Variants in AFG2A observed in about 807,000 individuals in gnomAD.
The protein encoded by AFG2A is ATPase family gene 2 protein homolog A.
the AFG2A span, among the ~76,000 whole-genome samples, chr4:123,033,002 A>C: frequency 1.1e-4 from 16 of 152,334 alleles, no homozygotes; most frequent in African/African-American, 3.8e-4. Context: ...GTTTATCAGG[A>C]CATAACCCCC....
At chr4:123,263,048 A>T in the AFG2A span, among the ~76,000 whole-genome samples, 18 of 152,238 alleles carry the variant, frequency 1.2e-4, 1 homozygote, top group Admixed American at 6.5e-4. Context: ...GGGATGAAGC[A>T]GAAAAAGTAG....
the AFG2A span, among the ~76,000 whole-genome samples, chr4:123,142,699 TGGAAAACCAA>T: frequency 3.5e-4 from 53 of 152,250 alleles, no homozygotes; most frequent in African/African-American, 1.3e-3. Context: ...TCCCAACAGC[TGGAAAACCAA>T]GAATGGCTGT....
the AFG2A span, chr4:122,936,230 A>G: frequency 9.0e-7 from 1 of 1,109,140 alleles, no homozygotes; most frequent in East Asian, 2.6e-5. Context: ...CTAGCACCTT[A>G]TACAAAGCAT....
At chr4:122,927,584 T>G in the AFG2A span, 1 of 1,562,420 alleles carries the variant, frequency 6.4e-7, no homozygotes, top group Non-Finnish European at 8.7e-7. Context: ...AAAGCATGCC[T>G]TAACTTCTGT....
At chr4:123,248,721 T>C in the AFG2A span, among the ~76,000 whole-genome samples, 1 of 152,210 alleles carries the variant, frequency 6.6e-6, no homozygotes, top group Non-Finnish European at 1.5e-5. Context: ...TTTTTAAATA[T>C]TGAGATTTAG....
the AFG2A span, among the ~76,000 whole-genome samples, chr4:123,146,311 G>A: frequency 6.6e-6 from 1 of 152,102 alleles, no homozygotes; most frequent in East Asian, 1.9e-4. Context: ...CCAAGAAAGG[G>A]TATAGTTTTA....
the AFG2A span, among the ~76,000 whole-genome samples, chr4:122,932,431 G>A: frequency 6.6e-6 from 1 of 151,924 alleles, no homozygotes; most frequent in Admixed American, 6.6e-5. Context: ...GAGCTCAAGC[G>A]GTCCACCCAC....
At chr4:123,031,078 G>A in the AFG2A span, among the ~76,000 whole-genome samples, 5 of 152,058 alleles carry the variant, frequency 3.3e-5, no homozygotes, top group Admixed American at 6.5e-5. Context: ...GTGTTTGTGA[G>A]GAAAGTTTTA....
At chr4:122,923,960 C>G in the AFG2A span, among the ~76,000 whole-genome samples, 1 of 152,158 alleles carries the variant, frequency 6.6e-6, no homozygotes, top group East Asian at 1.9e-4. Flanking sequence ...ATGACAGCTC[C>G]TTTGATTTGG....
At chr4:122,991,648 A>G in the AFG2A span, among the ~76,000 whole-genome samples, 2 of 152,238 alleles carry the variant, frequency 1.3e-5, no homozygotes, top group African/African-American at 4.8e-5. Context: ...ATTTAGGCTG[A>G]GAAACAGTGC....
At chr4:123,141,450 C>T in the AFG2A span, among the ~76,000 whole-genome samples, 2 of 151,958 alleles carry the variant, frequency 1.3e-5, no homozygotes, top group Admixed American at 1.3e-4. Flanking sequence ...GGTGACAGAG[C>T]GAGACTCGGT....
the AFG2A span, among the ~76,000 whole-genome samples, chr4:123,226,141 G>A: frequency 3.9e-4 from 60 of 152,164 alleles, no homozygotes; most frequent in Admixed American, 6.5e-4. Flanking sequence ...TAGATATACA[G>A]TCATGTCATC....
chr4:123,017,268 G>A, the AFG2A span, among the ~76,000 whole-genome samples: 6 of 148,634 alleles, frequency 4.0e-5, no homozygotes, highest in Admixed American at 2.0e-4. Context: ...GAGCGAGAGC[G>A]AGAGCGAGAG....
the AFG2A span, among the ~76,000 whole-genome samples, chr4:123,216,207 TG>T: frequency 5.3e-5 from 8 of 152,178 alleles, no homozygotes; most frequent in African/African-American, 1.9e-4. Context: ...GGTATTCCAC[TG>T]GCTTTTTTTC....
At chr4:123,117,277 G>T in the AFG2A span, among the ~76,000 whole-genome samples, 1 of 151,720 alleles carries the variant, frequency 6.6e-6, no homozygotes, top group South Asian at 2.1e-4. Flanking sequence ...TTCAAGCATT[G>T]TCTGCTCAGT....
chr4:122,990,676 A>C, the AFG2A span, among the ~76,000 whole-genome samples: 1 of 152,156 alleles, frequency 6.6e-6, no homozygotes, highest in East Asian at 1.9e-4. Context: ...GTAGCGTCAA[A>C]TTTCTCTGCT....
At chr4:122,980,186 C>T in the AFG2A span, among the ~76,000 whole-genome samples, 1 of 152,162 alleles carries the variant, frequency 6.6e-6, no homozygotes, top group African/African-American at 2.4e-5. Context: ...TAAATGGAAT[C>T]ATACTGTATA....
the AFG2A span, among the ~76,000 whole-genome samples, chr4:123,155,930 G>C: frequency 6.7e-6 from 1 of 150,164 alleles, no homozygotes; most frequent in Non-Finnish European, 1.5e-5. Context: ...TTCTTGCACT[G>C]CTCTAAAGAA....
chr4:123,269,636 C>T, the AFG2A span, among the ~76,000 whole-genome samples: 3 of 152,168 alleles, frequency 2.0e-5, no homozygotes, highest in Non-Finnish European at 4.4e-5. Context: ...AAATTAGTAA[C>T]TCATGTTTCT....
Sources: allele counts gnomAD v4.1 joint callset (sites outside exome capture counted in the v4.1 genomes callset), GRCh38; gene constraint gnomAD v4.1.1; transcripts MANE v1.5; gene names NCBI Gene and HGNC (gene_info 2026-07-23, HGNC 2026-07-21).